CACNA1A: variants seen among roughly 807,000 people sequenced by gnomAD.
CACNA1A encodes voltage-dependent P/Q-type calcium channel subunit alpha-1A.
Under a neutral mutation model 262.4 loss-of-function variants are expected in CACNA1A, and 57 were observed. The observed-to-expected ratio is 0.22, with a 90% confidence interval of 0.18 to 0.27. CACNA1A has a LOEUF of 0.27. CACNA1A is among the 10% of genes least tolerant of loss of function. CACNA1A has a pLI of 1.00. For missense variants in CACNA1A, 2,526 were observed against 3,562.8 expected, an observed-to-expected ratio of 0.71 and a Z score of 7.41; for synonymous variants, 1,431 against 1,419.3, an observed-to-expected ratio of 1.01 and a Z score of -0.18.
chr19:13,393,809 CCTCTCTCTCTCT>C lies in CACNA1A; in HGVS notation c.540-22042_540-22031del, dbSNP rs150142387. The stretch of plus-strand genomic sequence containing the variant: ...TCCTTCCTTCCTTCCCTCCCTCCTT[CCTCTCTCTCTCT>C]CTCTCTCTCTCTCTCTTCCCCTCCG... On this transcript the variant is annotated intron_variant, in intron 3 of 46. Coordinates refer to ENST00000360228, the MANE Select transcript of CACNA1A (RefSeq NM_001127222.2). Among the ~76,000 whole-genome samples, 18 of 102,634 alleles carry C rather than the reference CCTCTCTCTCTCT, an allele frequency of 1.8e-4. 1 individual carries two copies. The South Asian group carries it at 6.4e-3, about 37-fold the overall frequency. 67.3% of individuals were successfully genotyped at this position (102,634 alleles called of 152,430 possible).
At chr19:13,505,761 G>A (rs1174815965) in intron 1 of CACNA1A, among the ~76,000 whole-genome samples, 171 bp downstream of exon 1, 1 of 151,494 alleles carries the variant, frequency 6.6e-6, no homozygotes, top group East Asian at 2.0e-4. Context: ...CCCAGCTCGG[G>A]GTGGAGAGAT....
intron 6 of CACNA1A, among the ~76,000 whole-genome samples, chr19:13,352,739 A>ACTT (rs2058936068): frequency 6.6e-6 from 1 of 152,006 alleles, no homozygotes; most frequent in Non-Finnish European, 1.5e-5. Context: ...CCTCTTAGGA[A>ACTT]CCCTCCCTGA....
At chr19:13,227,346 T>C in intron 37 of CACNA1A, 85 bp downstream of exon 37, 1 of 585,624 alleles carries the variant, frequency 1.7e-6, no homozygotes, top group Non-Finnish European at 3.1e-6. Flanking sequence ...GGCCGGGTGT[T>C]TCTGGTCAGC....
intron 1 of CACNA1A, among the ~76,000 whole-genome samples, chr19:13,503,773 C>A (rs527634907): frequency 6.6e-6 from 1 of 151,966 alleles, no homozygotes; most frequent in Non-Finnish European, 1.5e-5. Context: ...TACCTCGGGT[C>A]AAAGAGAACA....
intron 3 of CACNA1A, among the ~76,000 whole-genome samples, chr19:13,439,816 T>C (rs1206923794): frequency 6.6e-6 from 1 of 152,134 alleles, no homozygotes; most frequent in African/African-American, 2.4e-5. Context: ...AAGAGGGGAT[T>C]TGGGAAATCA....
intron 22 of CACNA1A, among the ~76,000 whole-genome samples, chr19:13,282,780 G>A (rs1045749509): frequency 2.6e-5 from 4 of 152,044 alleles, no homozygotes; most frequent in African/African-American, 9.7e-5. Context: ...ATTAACAGGG[G>A]TTGTCAACAG....
chr19:13,462,573 G>A (rs1026497165), intron 1 of CACNA1A, among the ~76,000 whole-genome samples: 2 of 152,264 alleles, frequency 1.3e-5, no homozygotes, highest in South Asian at 4.1e-4. Flanking sequence ...GGCAGATACC[G>A]TGGTAAGCAC....
At chr19:13,452,754 A>G (rs1328831756) in intron 3 of CACNA1A, 122 bp downstream of exon 3, 1 of 839,750 alleles carries the variant, frequency 1.2e-6, no homozygotes, top group Middle Eastern at 3.2e-4. Flanking sequence ...AGGCAGGCGC[A>G]TAACAAGGGG....
At chr19:13,235,113 G>A in intron 33 of CACNA1A, 77 bp from the exon 34 acceptor site, 1 of 1,537,662 alleles carries the variant, frequency 6.5e-7, no homozygotes, top group African/African-American at 1.4e-5. Context: ...AACCTCCATG[G>A]CTGCTTCTGT....
chr19:13,404,811 T>C (rs951521760), intron 3 of CACNA1A, among the ~76,000 whole-genome samples: 1 of 151,888 alleles, frequency 6.6e-6, no homozygotes, highest in Non-Finnish European at 1.5e-5. Context: ...TGTGGAAGAG[T>C]GTTATTCCAA....
chr19:13,502,077 A>T lies in CACNA1A; in HGVS notation c.293+3855T>A, dbSNP rs528663660. Among the ~76,000 whole-genome samples, 7 of 151,744 alleles carry T rather than the reference A, an allele frequency of 4.6e-5. No individual in the cohort carries two copies. The South Asian group carries it at 1.2e-3, about 27-fold the overall frequency. Reference sequence around the variant, plus strand: ...CTTCTAGAACATTCTATCTCTCAGGACAGGCCAAGAGTCTGATAACCTGCT... The same window carrying T: ...CTTCTAGAACATTCTATCTCTCAGGTCAGGCCAAGAGTCTGATAACCTGCT... On this transcript the variant is annotated intron_variant, in intron 1 of 46. Transcript: ENST00000360228.
chr19:13,467,218 G>A (rs1352100131), intron 1 of CACNA1A, among the ~76,000 whole-genome samples: 1 of 152,060 alleles, frequency 6.6e-6, no homozygotes, highest in Non-Finnish European at 1.5e-5. Context: ...GATGGGGTAA[G>A]GGCTTTTCAC....
intron 1 of CACNA1A, among the ~76,000 whole-genome samples, chr19:13,487,251 G>A (rs917873510): frequency 4.6e-5 from 7 of 152,192 alleles, no homozygotes; most frequent in Non-Finnish European, 7.3e-5. Context: ...GCAGAACATG[G>A]ACCTGCTGCT....
chr19:13,377,982 T>C (rs2059447277), intron 3 of CACNA1A, among the ~76,000 whole-genome samples: 2 of 151,616 alleles, frequency 1.3e-5, no homozygotes, highest in South Asian at 4.2e-4. Flanking sequence ...AAAAAAACAA[T>C]CCACAACAAA....
intron 3 of CACNA1A, among the ~76,000 whole-genome samples, chr19:13,413,708 G>A (rs8104757): frequency 0.094 from 13,303 of 140,822 alleles, 1,528 homozygotes; most frequent in African/African-American, 0.28. Flanking sequence ...GCGAAACCCC[G>A]TCTCTACTAA....
At position 13,337,833 on chromosome 19, in the gene CACNA1A, G is replaced by A. The variant is rs200592438; in HGVS notation, c.979-1924C>T. 2.6e-5 allele frequency among the ~76,000 whole-genome samples: 4 copies of A among 152,254 alleles called. No individual in the cohort carries two copies. The East Asian group carries it at 7.7e-4, about 29-fold the overall frequency. The stretch of plus-strand genomic sequence containing the variant: ...AGCCTACTACACACCTAGGCTGCAT[G>A]GTCTCGCCTATTGCTCCTAGGCTAC... On this transcript the variant is annotated intron_variant, in intron 6 of 46. Coordinates refer to ENST00000360228, the MANE Select transcript of CACNA1A (RefSeq NM_001127222.2).
intron 10 of CACNA1A, among the ~76,000 whole-genome samples, chr19:13,327,519 G>GAA (rs564901003): frequency 9.1e-6 from 1 of 109,610 alleles, no homozygotes; most frequent in Non-Finnish European, 1.9e-5. Context: ...CTCCATCTCA[G>GAA]AAAAAAAAAA....
In CACNA1A at chr19:13,317,444, C is replaced by A. The variant is rs968479517; in HGVS notation, c.1346-123G>T. The A allele has an allele frequency of 1.9e-5, 14 of 734,004 alleles. No homozygotes were observed. In the Admixed American group the frequency reaches 3.4e-4, roughly 18 times the overall value. 45.5% of individuals were successfully genotyped at this position (734,004 alleles called of 1,614,324 possible). A position where few individuals can be genotyped will look rare whatever the true frequency, so the allele number is the denominator to read the frequency against. On this transcript the variant is annotated intron_variant, in intron 10 of 46. Coordinates refer to ENST00000360228, the MANE Select transcript of CACNA1A (RefSeq NM_001127222.2). Reference sequence around the variant, plus strand: ...ATTAGTCTCTCCAGCAAGCCTCTGGCCTGAGGGAACCATCATGACCCATGG... The same window carrying A: ...ATTAGTCTCTCCAGCAAGCCTCTGGACTGAGGGAACCATCATGACCCATGG...
chr19:13,280,414 A>C (rs2057262695), intron 22 of CACNA1A, among the ~76,000 whole-genome samples: 1 of 150,692 alleles, frequency 6.6e-6, no homozygotes, highest in South Asian at 2.1e-4. Flanking sequence ...GCTGGTCTTG[A>C]ACTCCTGGCC....
Sources: gnomAD v4.1 joint callset for allele counts (sites outside exome capture counted in the v4.1 genomes callset) on GRCh38, gnomAD v4.1.1 for gene constraint, MANE v1.5 for transcripts, NCBI Gene and HGNC (gene_info 2026-07-23, HGNC 2026-07-21) for gene names.